Variants in LRRC8D observed in about 807,000 individuals in gnomAD.
LRRC8D encodes leucine rich repeat containing 8 VRAC subunit D.
LRRC8D carries 20 observed loss-of-function variants against 55.8 expected under a neutral mutation model. The ratio of observed to expected loss-of-function variants is 0.36; its 90% CI spans 0.25 to 0.52. The LOEUF is 0.52. Among genes scored for constraint, LRRC8D ranks in the 20% least tolerant of loss-of-function variants. LRRC8D has a pLI of 0.93. For missense variants in LRRC8D, 651 were observed against 1,030.8 expected (o/e 0.63, Z 5.05); for synonymous variants, 352 against 377.0 (o/e 0.93, Z 0.77).
chr1:89,850,776 T>G (rs1428144656), intron 2 of LRRC8D, among the ~76,000 whole-genome samples: 1 of 152,248 alleles, frequency 6.6e-6, no homozygotes, highest in African/African-American at 2.4e-5. Context: ...TATAACATGA[T>G]TTTATTAGCA....
chr1:89,875,814 T>A (rs1474823330), intron 2 of LRRC8D, among the ~76,000 whole-genome samples: 1 of 152,272 alleles, frequency 6.6e-6, no homozygotes, highest in Non-Finnish European at 1.5e-5. Flanking sequence ...AAGAACGCTT[T>A]GTATACTGTT....
At chr1:89,872,652 A>G (rs1662050192) in intron 2 of LRRC8D, among the ~76,000 whole-genome samples, 1 of 152,198 alleles carries the variant, frequency 6.6e-6, no homozygotes, top group Non-Finnish European at 1.5e-5. Flanking sequence ...TTAGCTATTT[A>G]ACTTTGTTCT....
At position 89,893,025 on chromosome 1, in the gene LRRC8D, G is replaced by C. The variant is rs543977529; in HGVS notation, c.-2-40042G>C. On this transcript the variant is annotated intron_variant, in intron 2 of 2. Transcript: ENST00000337338. ...TATAAACATCTATATGACAGGTACT[G>C]TCCTAGGTGCTGAGAATAGAGTGTG... 3.9e-5 allele frequency among the ~76,000 whole-genome samples: 6 copies of C among 152,272 alleles called. No individual in the cohort carries two copies. The East Asian group carries it at 9.6e-4, about 24-fold the overall frequency.
At chr1:89,821,585 T>A (rs1557436037) in intron 1 of LRRC8D, among the ~76,000 whole-genome samples, 1 of 152,140 alleles carries the variant, frequency 6.6e-6, no homozygotes, top group Non-Finnish European at 1.5e-5. Context: ...TGCGGCTTCC[T>A]GGCTCCTGAA....
chr1:89,916,975 G>A (rs537264818), intron 2 of LRRC8D, among the ~76,000 whole-genome samples: 9 of 152,272 alleles, frequency 5.9e-5, no homozygotes, highest in Non-Finnish European at 8.8e-5. Flanking sequence ...TTTACACAGT[G>A]ATGTGAAACA....
At chr1:89,844,417 G>C (rs1661221630) in intron 2 of LRRC8D, among the ~76,000 whole-genome samples, 1 of 152,186 alleles carries the variant, frequency 6.6e-6, no homozygotes, top group Non-Finnish European at 1.5e-5. Flanking sequence ...GAAAGGTAGG[G>C]ACCAGGAATG....
chr1:89,863,352 C>T (rs1210763148), intron 2 of LRRC8D, among the ~76,000 whole-genome samples: 1 of 152,132 alleles, frequency 6.6e-6, no homozygotes, highest in East Asian at 1.9e-4. Context: ...CAGAGGCAGA[C>T]CCAAAATGTA....
intron 2 of LRRC8D, among the ~76,000 whole-genome samples, chr1:89,856,252 A>G (rs781683535): frequency 2.6e-5 from 4 of 152,192 alleles, no homozygotes; most frequent in Non-Finnish European, 5.9e-5. Context: ...TTGCATAGCT[A>G]TGCTAGTAGC....
At chr1:89,856,765 G>A (rs1312666551) in intron 2 of LRRC8D, among the ~76,000 whole-genome samples, 1 of 152,020 alleles carries the variant, frequency 6.6e-6, no homozygotes, top group Non-Finnish European at 1.5e-5. Flanking sequence ...CTTTTAATTG[G>A]TGTGTTTAGG....
At chr1:89,905,681 A>C (rs531250277) in intron 2 of LRRC8D, among the ~76,000 whole-genome samples, 1 of 152,170 alleles carries the variant, frequency 6.6e-6, no homozygotes, top group Non-Finnish European at 1.5e-5. Flanking sequence ...GAATTAGATA[A>C]AACTACCCAC....
At chr1:89,863,520 A>G (rs545174294) in intron 2 of LRRC8D, among the ~76,000 whole-genome samples, 1 of 152,286 alleles carries the variant, frequency 6.6e-6, no homozygotes, top group African/African-American at 2.4e-5. Flanking sequence ...AGATGCTGAA[A>G]ATGATTATGC....
chr1:89,909,741 C>CTG (rs983047699), intron 2 of LRRC8D, among the ~76,000 whole-genome samples: 2 of 151,904 alleles, frequency 1.3e-5, no homozygotes, highest in African/African-American at 4.8e-5. Flanking sequence ...TGGCGGGCGC[C>CTG]TGTAGTCCCA....
chr1:89,931,571 C>A (rs1210833535), intron 2 of LRRC8D, among the ~76,000 whole-genome samples: 1 of 152,020 alleles, frequency 6.6e-6, no homozygotes, highest in Admixed American at 6.5e-5. Flanking sequence ...CCAGCCTGGC[C>A]AATATGGTGA....
At chr1:89,834,988 T>G (rs1024229270) in intron 1 of LRRC8D, among the ~76,000 whole-genome samples, 2 of 152,254 alleles carry the variant, frequency 1.3e-5, no homozygotes, top group African/African-American at 4.8e-5. Flanking sequence ...ATAAAGGTTA[T>G]TCCATTGAAG....
At chr1:89,915,890 A>G (rs899009745) in intron 2 of LRRC8D, among the ~76,000 whole-genome samples, 21 of 152,364 alleles carry the variant, frequency 1.4e-4, no homozygotes, top group African/African-American at 4.8e-4. Context: ...GTCAAAGACC[A>G]TAATCTTCAA....
At chr1:89,919,825 A>T (rs1401874025) in intron 2 of LRRC8D, among the ~76,000 whole-genome samples, 1 of 152,154 alleles carries the variant, frequency 6.6e-6, no homozygotes, top group Admixed American at 6.6e-5. Context: ...TTAAAAAATT[A>T]TTTCCCTTTT....
intron 2 of LRRC8D, among the ~76,000 whole-genome samples, chr1:89,910,159 A>G (rs2100938688): frequency 6.6e-6 from 1 of 152,312 alleles, no homozygotes; most frequent in Non-Finnish European, 1.5e-5. Context: ...ATTTGGTCTG[A>G]CTTTGTTAAC....
intron 2 of LRRC8D, among the ~76,000 whole-genome samples, chr1:89,852,744 A>C (rs905838305): frequency 2.6e-5 from 4 of 152,196 alleles, no homozygotes; most frequent in African/African-American, 9.7e-5. Flanking sequence ...GGCTGAGATC[A>C]TTTACCAGGC....
In LRRC8D at chr1:89,933,661, C is replaced by T; in HGVS notation, c.593C>T (p.Ser198Leu). The T allele has an allele frequency of 6.2e-7, 1 of 1,614,010 alleles. No individual in the cohort carries two copies. ...TGCTCAAAAGTAGAACATTTTGTTT[C>T]AATATTAGGAAAGTGCTTTGAATCC... ...KTCSKVEHFV[S>L]ILGKCFESPW... Residue 198 changes from serine to leucine, a missense_variant, in exon 3 of 3, where the codon TCA (serine) becomes TTA (leucine). By Grantham distance (145) the Ser-to-Leu change is moderately radical. Transcript: ENST00000337338. This position sits in a 1 kb window ranked among gnomAD's most constrained non-coding sequence, Gnocchi z 7.0.
Sources: gnomAD v4.1 joint callset for allele counts (sites outside exome capture counted in the v4.1 genomes callset) on GRCh38, gnomAD v4.1.1 for gene constraint, Gnocchi (gnomAD v3.1) non-coding constraint, MANE v1.5 for transcripts, NCBI Gene and HGNC (gene_info 2026-07-23, HGNC 2026-07-21) for gene names.